The following WIPF1 variants were observed in gnomAD, a reference collection of about 807,000 sequenced individuals.
The protein encoded by WIPF1 is WAS/WASL-interacting protein family member 1.
WIPF1 carries 13 observed loss-of-function variants against 35.4 expected under a neutral mutation model. That is an observed-to-expected ratio of 0.37 (90% confidence interval 0.24 to 0.58). The LOEUF (loss-of-function observed/expected upper bound fraction) is 0.58, where lower values mean the gene tolerates loss of function less well. Among genes scored for constraint, WIPF1 ranks in the 20% least tolerant of loss-of-function variants. The probability of loss-of-function intolerance (pLI) is 0.74; values close to 1 mark genes in which losing one functional copy is unlikely to be tolerated. For missense variants in WIPF1, 591 were observed against 667.0 expected (o/e 0.89, Z 1.25); for synonymous variants, 267 against 266.3 (o/e 1.00, Z -0.02).
intron 1 of WIPF1, among the ~76,000 whole-genome samples, chr2:174,637,149 A>T (rs1169990444): frequency 6.6e-6 from 1 of 152,136 alleles, no homozygotes; most frequent in Non-Finnish European, 1.5e-5. Flanking sequence ...ACAGTACTTT[A>T]TTCTGTTGCT....
At chr2:174,642,343 CT>C (rs780884199) in intron 1 of WIPF1, among the ~76,000 whole-genome samples, 81 of 102,796 alleles carry the variant, frequency 7.9e-4, no homozygotes, top group Middle Eastern at 5.3e-3. Context: ...CTTCCTCCAC[CT>C]TTTTTTTTTT....
chr2:174,571,374 A>G lies in WIPF1; in HGVS notation c.1129+302T>C. 1.7e-6 allele frequency: 1 copy of G among 595,602 alleles called. No homozygotes were observed. The highest frequency in any genetic ancestry group is 3.0e-6 in the Non-Finnish European group (1 of 336,086). The allele number at this position is 595,602 out of a possible 1,614,324, so 36.9% of individuals were successfully genotyped here. ...TAGGGAGGCAGGGTAGTGGACTGGCAAGTACACTTCAGAGATGGAAGATGA... is the reference window on the plus strand; with the variant it reads ...TAGGGAGGCAGGGTAGTGGACTGGCGAGTACACTTCAGAGATGGAAGATGA... On this transcript the variant is annotated intron_variant, in intron 5 of 7. Coordinates refer to ENST00000679041, the MANE Select transcript of WIPF1 (RefSeq NM_001375834.1). This position sits in a 1 kb window ranked among gnomAD's most constrained non-coding sequence, Gnocchi z 4.6.
intron 7 of WIPF1, 93 bp from the exon 8 acceptor site, chr2:174,562,695 C>A: frequency 6.6e-7 from 1 of 1,512,956 alleles, no homozygotes. Flanking sequence ...TACCCACTAC[C>A]TCATCCCTAT....
chr2:174,573,881 C>T (rs1684956651), intron 4 of WIPF1, among the ~76,000 whole-genome samples: 1 of 151,242 alleles, frequency 6.6e-6, no homozygotes, highest in African/African-American at 2.4e-5. Flanking sequence ...TAAGAGAGAA[C>T]TTTCTTCTTC....
intron 1 of WIPF1, among the ~76,000 whole-genome samples, chr2:174,672,310 T>C (rs970262830): frequency 6.6e-6 from 1 of 152,238 alleles, no homozygotes; most frequent in Non-Finnish European, 1.5e-5. Flanking sequence ...TTATTGGATG[T>C]AAATAAAATC....
intron 1 of WIPF1, among the ~76,000 whole-genome samples, chr2:174,651,744 A>C (rs1216836504): frequency 6.6e-6 from 1 of 152,166 alleles, no homozygotes; most frequent in African/African-American, 2.4e-5. Flanking sequence ...TAACCAAAGG[A>C]CCCCAAAACT....
chr2:174,662,467 T>C (rs1282088341), intron 1 of WIPF1, among the ~76,000 whole-genome samples: 1 of 152,216 alleles, frequency 6.6e-6, no homozygotes. Context: ...TGGTTAGTGC[T>C]GAAGAGAATC....
In WIPF1 at chr2:174,571,570, G is replaced by A. The variant is rs562349466; in HGVS notation, c.1129+106C>T. Reference sequence around the variant, plus strand: ...GCCACTTAAAAGCACAAAGCAGTCTGAGTTTACTTATGCCTGCTTTTGTTA... The same window carrying A: ...GCCACTTAAAAGCACAAAGCAGTCTAAGTTTACTTATGCCTGCTTTTGTTA... On this transcript the variant is annotated intron_variant, in intron 5 of 7. Coordinates refer to ENST00000679041, the MANE Select transcript of WIPF1 (RefSeq NM_001375834.1). The surrounding 1 kb of genome is among the most constrained non-coding windows in gnomAD (Gnocchi z 4.6). The A allele has an allele frequency of 1.7e-5, 25 of 1,494,292 alleles. No homozygotes were observed. The East Asian group carries it at 5.4e-4, about 32-fold the overall frequency. 92.6% of individuals were successfully genotyped at this position (1,494,292 alleles called of 1,614,324 possible).
chr2:174,585,940 C>T (rs1685404964), intron 1 of WIPF1, among the ~76,000 whole-genome samples: 9 of 152,182 alleles, frequency 5.9e-5, no homozygotes, highest in Admixed American at 5.9e-4. Flanking sequence ...GTATCCTGGC[C>T]AAGTTTCACT....
At chr2:174,606,590 C>T (rs985182129) in intron 1 of WIPF1, among the ~76,000 whole-genome samples, 5 of 152,118 alleles carry the variant, frequency 3.3e-5, no homozygotes, top group African/African-American at 1.2e-4. Context: ...CAATGTCAGT[C>T]CCGGAAAAGT....
intron 1 of WIPF1, among the ~76,000 whole-genome samples, chr2:174,669,253 C>G (rs1687956460): frequency 6.6e-6 from 1 of 152,132 alleles, no homozygotes. Flanking sequence ...CCCTTATGTT[C>G]CCATGCATTC....
intron 1 of WIPF1, among the ~76,000 whole-genome samples, chr2:174,632,664 G>A (rs956957785): frequency 4.4e-5 from 6 of 136,458 alleles, no homozygotes; most frequent in Non-Finnish European, 7.6e-5. Context: ...AGCCGAGACG[G>A]TGCCACTGCA....
At chr2:174,632,734 A>G (rs1288296637) in intron 1 of WIPF1, among the ~76,000 whole-genome samples, 1 of 134,912 alleles carries the variant, frequency 7.4e-6, no homozygotes, top group Non-Finnish European at 1.6e-5. Context: ...AAAAAAAAAA[A>G]AAGACATCAG....
At chr2:174,634,759 C>T (rs918650523) in intron 1 of WIPF1, among the ~76,000 whole-genome samples, 2 of 152,166 alleles carry the variant, frequency 1.3e-5, no homozygotes, top group African/African-American at 4.8e-5. Flanking sequence ...TCCCAGGACA[C>T]AGGTAAAGAG....
exon 1 of WIPF1, chr2:174,682,884 A>G (rs1201437248): frequency 6.6e-6 from 1 of 152,136 alleles, no homozygotes; most frequent in East Asian, 1.9e-4. Context: ...AAAAGCGCTC[A>G]GCGCCGGGAG....
rs970254579 is a variant in WIPF1 at position 174,567,760 on chromosome 2, A to T, written c.1342+101T>A. On this transcript the variant is annotated intron_variant, in intron 6 of 7. Transcript: ENST00000679041. ...ATCAGTGCAATGGAGTGTGATAATGATGGAACAAGAAATTAAACGCAAACA... is the reference window on the plus strand; with the variant it reads ...ATCAGTGCAATGGAGTGTGATAATGTTGGAACAAGAAATTAAACGCAAACA... 4.6e-6 allele frequency: 6 copies of T among 1,313,824 alleles called. No individual in the cohort carries two copies. In the African/African-American group the frequency reaches 7.4e-5, roughly 16 times the overall value. 81.4% of individuals were successfully genotyped at this position (1,313,824 alleles called of 1,614,324 possible).
At chr2:174,609,219 T>C (rs865784635) in intron 1 of WIPF1, among the ~76,000 whole-genome samples, 1 of 152,250 alleles carries the variant, frequency 6.6e-6, no homozygotes, top group Non-Finnish European at 1.5e-5. Flanking sequence ...AAAGGTCCTG[T>C]TACATATTGA....
At position 174,594,690 on chromosome 2, in the gene WIPF1, T is replaced by TTC. The variant is rs138465593; in HGVS notation, c.-39+2909_-39+2910dup. Among the ~76,000 whole-genome samples the TTC allele has an allele frequency of 2.1e-4, 17 of 79,966 alleles. 3 individuals are homozygous for TTC. In the South Asian group the frequency reaches 2.3e-3, roughly 11 times the overall value. 52.5% of individuals were successfully genotyped at this position (79,966 alleles called of 152,430 possible). A position where few individuals can be genotyped will look rare whatever the true frequency, so the allele number is the denominator to read the frequency against. Reference sequence around the variant, plus strand: ...TGTGCCACTGTTTCTCTCTCTCTCTTTCTCTCTCTCTCTCTCTCACACACA... The same window carrying TTC: ...TGTGCCACTGTTTCTCTCTCTCTCTTTCTCTCTCTCTCTCTCTCTCACACACA... On this transcript the variant is annotated intron_variant, in intron 1 of 7. Transcript: ENST00000679041.
At chr2:174,681,175 G>A (rs1334125353) in intron 1 of WIPF1, among the ~76,000 whole-genome samples, 1 of 152,208 alleles carries the variant, frequency 6.6e-6, no homozygotes. Context: ...GGTTGGGTAA[G>A]TCCCAGGGAG....
Sources: gnomAD v4.1 joint callset for allele counts (sites outside exome capture counted in the v4.1 genomes callset) on GRCh38, gnomAD v4.1.1 for gene constraint, Gnocchi (gnomAD v3.1) non-coding constraint, MANE v1.5 for transcripts, NCBI Gene and HGNC (gene_info 2026-07-23, HGNC 2026-07-21) for gene names.